ZNF394: variants seen among roughly 807,000 people sequenced by gnomAD.
ZNF394 encodes zinc finger protein 99.
In ZNF394, 19 loss-of-function variants were observed where a neutral mutation model predicts 21.8. The ratio of observed to expected loss-of-function variants is 0.87; its 90% confidence interval spans 0.61 to 1.28. ZNF394 has a LOEUF of 1.28. ZNF394 is among the 50% of genes most tolerant of loss of function. The pLI is 0.00. For missense variants in ZNF394, 683 were observed against 708.6 expected, an observed-to-expected ratio of 0.96 and a Z score of 0.41; for synonymous variants, 294 against 273.3, an observed-to-expected ratio of 1.08 and a Z score of -0.75.
In ZNF394 at chr7:99,493,730, C is replaced by T; in HGVS notation, c.1485G>A (p.Lys495=). The change falls in exon 3 of 3, where the codon AAG becomes AAA. Residue 495 remains lysine (K), a synonymous_variant. Transcript: ENST00000337673. ...TCCCACAGACGGAACATCCATAGGG[C>T]TTCTCCCCAGTGTGGATTCTGTGGT... ...FKHHRIHTGE[K]PYGCSVCGKR... 6.2e-7 allele frequency: 1 copy of T among 1,614,150 alleles called. No homozygotes were observed. Among genetic ancestry groups the T allele is most frequent in the African/African-American group, 1.3e-5 (1 of 75,060 alleles).
chr7:99,499,806 C>G lies in ZNF394; in HGVS notation c.288G>C (p.Glu96Asp). The part of the protein sequence containing the change: ...RELCRRWLRP[E>D]LLSKEQILEL... ...CCAGGATCTGCTCCTTGGAGAGCAG[C>G]TCGGGTCTCAGCCACCGACGACAGA... The change falls in exon 1 of 3, where the codon GAG becomes GAC. Residue 96 changes from glutamate (E) to aspartate (D), a missense_variant. By Grantham distance (45) the Glu-to-Asp change is conservative. This residue lies in a region of ZNF394 where 402 missense variants were observed against 373.8 expected (regional missense o/e 1.08). Coordinates refer to ENST00000337673, the MANE Select transcript of ZNF394 (RefSeq NM_032164.4). 1 of 1,614,196 alleles carries G rather than the reference C, an allele frequency of 6.2e-7. No individual in the cohort carries two copies. The highest frequency in any genetic ancestry group is 8.5e-7 in the Non-Finnish European group (1 of 1,180,048).
At position 99,499,836 on chromosome 7, in the gene ZNF394, T is replaced by C. The variant is rs1800460967; in HGVS notation, c.258A>G (p.Arg86=). The part of the protein sequence containing the change: ...AGPEEALSRL[R]ELCRRWLRPE... Reference sequence around the variant, plus strand: ...GTCTCAGCCACCGACGACAGAGTTCTCGGAGCCGGCTCAGCGCCTCTTCCG... The same window carrying C: ...GTCTCAGCCACCGACGACAGAGTTCCCGGAGCCGGCTCAGCGCCTCTTCCG... Residue 86 remains arginine (R), a synonymous_variant, in exon 1 of 3, where the codon CGA becomes CGG. Transcript: ENST00000337673. The C allele has an allele frequency of 2.5e-6, 4 of 1,614,088 alleles. No homozygotes were observed. Among genetic ancestry groups the C allele is most frequent in the African/African-American group, 2.7e-5 (2 of 74,940 alleles).
At position 99,499,772 on chromosome 7, in the gene ZNF394, C is replaced by A. The variant is rs1389317966; in HGVS notation, c.322G>T (p.Val108Leu). 1 of 1,614,220 alleles carries A rather than the reference C, an allele frequency of 6.2e-7. No homozygotes were observed. Among genetic ancestry groups the A allele is most frequent in the Non-Finnish European group, 8.5e-7 (1 of 1,180,042 alleles). ...AGGATGGTGAGGAACTGCTCCAGCA[C>A]CAGCAGCTCCAGGATCTGCTCCTTG... ...LSKEQILELL[V>L]LEQFLTILPE... Residue 108 changes from valine to leucine, a missense_variant, in exon 1 of 3, where the codon GTG (valine) becomes TTG (leucine). Coordinates refer to ENST00000337673, the MANE Select transcript of ZNF394 (RefSeq NM_032164.4).
Position 99,494,117 on chromosome 7 carries a change from ACT to A in ZNF394, c.1096_1097del (p.Ser366PhefsTer6). On this transcript the variant is annotated frameshift_variant, in exon 3 of 3. Coordinates refer to ENST00000337673, the MANE Select transcript of ZNF394 (RefSeq NM_032164.4). LOFTEE classifies it low-confidence loss of function (END_TRUNC). Reference sequence around the variant, plus strand: ...TAAAGAGGTCAGAGCGTTGTTTGAAACTCTTCCCACAGTTACCACATTTATAA... The same window carrying A: ...TAAAGAGGTCAGAGCGTTGTTTGAAACTTCCCACAGTTACCACATTTATAA... The part of the protein sequence containing the change: ...RPYKCGNCGK[S>X]FKQRSDLFRH... The A allele has an allele frequency of 6.2e-7, 1 of 1,613,318 alleles. No individual in the cohort carries two copies. The highest frequency in any genetic ancestry group is 1.1e-5 in the South Asian group (1 of 91,028).
At chr7:99,491,393 G>A (rs984436846), downstream of ZNF394, among the ~76,000 whole-genome samples, 1 of 152,088 alleles carries the variant, frequency 6.6e-6, no homozygotes, top group South Asian at 2.1e-4. Flanking sequence ...TTTGGTCTTT[G>A]ACACTTGTTC....
chr7:99,496,158 T>A (rs1229750637), intron 2 of ZNF394, among the ~76,000 whole-genome samples: 1 of 151,660 alleles, frequency 6.6e-6, no homozygotes, highest in Non-Finnish European at 1.5e-5. Flanking sequence ...ATAGTAGGTA[T>A]TTTAGTAGGT....
In ZNF394 at chr7:99,487,356, G is replaced by A. The variant is rs780268259; in HGVS notation, n.84-393C>T. On this transcript the variant is annotated intron_variant and non_coding_transcript_variant, in intron 1 of 1. Coordinates refer to the ZNF394 transcript ENST00000462024. Reference sequence around the variant, plus strand: ...GTGGGAAAACGTTTAGTTTTAAGAGGAATCTTTTTCGACATCAGGTCATTC... The same window carrying A: ...GTGGGAAAACGTTTAGTTTTAAGAGAAATCTTTTTCGACATCAGGTCATTC... 3.0e-5 allele frequency: 48 copies of A among 1,614,082 alleles called. 1 individual carries two copies. The South Asian group carries it at 5.3e-4, about 18-fold the overall frequency.
intron 2 of ZNF394, among the ~76,000 whole-genome samples, chr7:99,495,767 A>G (rs1306852200): frequency 6.6e-6 from 1 of 150,622 alleles, no homozygotes; most frequent in Non-Finnish European, 1.5e-5. Context: ...ATTACAGGCA[A>G]CGTGCCACCA....
chr7:99,487,883 T>C (rs968351293), intron 1 of ZNF394, among the ~76,000 whole-genome samples: 2 of 151,422 alleles, frequency 1.3e-5, no homozygotes, highest in African/African-American at 4.9e-5. Context: ...CCATCCTGGC[T>C]AACACAGTGA....
chr7:99,486,644 C>G, exon 2 of ZNF394: 1 of 1,614,208 alleles, frequency 6.2e-7, no homozygotes, highest in East Asian at 2.2e-5. Flanking sequence ...ACTTTCCCTA[C>G]TAGTGGTGAT....
Position 99,494,374 on chromosome 7 carries a change from A to T in ZNF394, c.841T>A (p.Ser281Thr). The change falls in exon 3 of 3, where the codon TCT (serine) becomes ACT (threonine). Residue 281 changes from serine to threonine, a missense_variant. This residue lies in a region of ZNF394 where 402 missense variants were observed against 373.8 expected (regional missense o/e 1.08). Coordinates refer to ENST00000337673, the MANE Select transcript of ZNF394 (RefSeq NM_032164.4). ...CTGTTCTGCAATTCATTATTTTTAG[A>T]GTCTTCCCCTTCTATGGAACCATTC... The part of the protein sequence containing the change: ...NKNGSIEGED[S>T]KNNELQNSAR... The T allele has an allele frequency of 6.2e-7, 1 of 1,614,166 alleles. No homozygotes were observed. The highest frequency in any genetic ancestry group is 8.5e-7 in the Non-Finnish European group (1 of 1,180,034).
Position 99,494,237 on chromosome 7 carries a change from C to T in ZNF394, c.978G>A (p.Trp326Ter). The T allele has an allele frequency of 6.2e-7, 1 of 1,614,260 alleles. No homozygotes were observed. The highest frequency in any genetic ancestry group is 8.5e-7 in the Non-Finnish European group (1 of 1,180,054). The change falls in exon 3 of 3, where the codon TGG (tryptophan) becomes TGA (stop). Residue 326 changes from tryptophan (W) to a stop codon, truncating the protein, a stop_gained. Coordinates refer to ENST00000337673, the MANE Select transcript of ZNF394 (RefSeq NM_032164.4). LOFTEE classifies it low-confidence loss of function (END_TRUNC). ...KCKQSFHMVT[W>*]HVLKPHKSDS... ...CAGACTTGTGAGGTTTCAGCACGTG[C>T]CACGTCACCATGTGGAAACTTTGCT... is the stretch of plus-strand genomic sequence containing the variant.
Position 99,500,023 on chromosome 7 carries a change from C to T in ZNF394, c.71G>A (p.Arg24Lys), listed in dbSNP as rs1162697996. The change falls in exon 1 of 3, where the codon AGG becomes AAG. Residue 24 changes from arginine to lysine, a missense_variant. Transcript: ENST00000337673. ...TTGGGACGGCGCCGCGTCCTTGGAC[C>T]TCGCAGCCATCACCCAGGGTCCCAA... ...AELGPWVMAA[R>K]SKDAAPSQRD... is the part of the protein sequence containing the mutation. 1.2e-6 allele frequency: 2 copies of T among 1,604,998 alleles called. No homozygotes were observed. Among genetic ancestry groups the T allele is most frequent in the African/African-American group, 1.3e-5 (1 of 74,928 alleles).
intron 2 of ZNF394, among the ~76,000 whole-genome samples, chr7:99,496,598 T>C (rs975975774): frequency 4.0e-5 from 6 of 151,402 alleles, no homozygotes; most frequent in South Asian, 4.2e-4. Context: ...GTATTTCTAG[T>C]AGAGACGGTG....
Sources: gnomAD v4.1 joint callset for allele counts (sites outside exome capture counted in the v4.1 genomes callset) on GRCh38, gnomAD v4.1.1 for gene constraint, gnomAD v4.1.1 regional missense constraint, MANE v1.5 for transcripts, NCBI Gene and HGNC (gene_info 2026-07-23, HGNC 2026-07-21) for gene names.